Variants in PCDH11X observed in about 807,000 individuals in gnomAD.
PCDH11X encodes the protein protocadherin 11 X-linked.
A neutral mutation model predicts 53.3 loss-of-function variants in PCDH11X; 18 were observed. The observed-to-expected ratio is 0.34, with a 90% CI of 0.23 to 0.50. PCDH11X has a LOEUF of 0.50. PCDH11X is among the 20% of genes least tolerant of loss of function. The pLI is 0.98. For missense variants in PCDH11X, 570 were observed against 1,032.4 expected (o/e 0.55, Z 6.14); for synonymous variants, 279 against 393.3 (o/e 0.71, Z 3.44).
At position 92,383,054 on chromosome X, in the gene PCDH11X, A is replaced by T. The variant is rs758373275; in HGVS notation, c.3145-4681A>T. ...ATTATATTTAATAATACATAAAAGT[A>T]CCTAAATTTTAAATTTTAATGTCCA... is the stretch of plus-strand genomic sequence containing the variant. On this transcript the variant is annotated intron_variant, in intron 8 of 10. Transcript: ENST00000682573. 2.7e-5 allele frequency among the ~76,000 whole-genome samples: 3 copies of T among 109,690 alleles called. No homozygotes were observed. The East Asian group carries it at 8.6e-4, about 31-fold the overall frequency.
At chrX:92,305,575 G>C (rs1288004269) in intron 8 of PCDH11X, among the ~76,000 whole-genome samples, 2 of 110,250 alleles carry the variant, frequency 1.8e-5, no homozygotes, top group African/African-American at 6.6e-5. Flanking sequence ...CCTTCCTAAA[G>C]GCCCTATTTG....
Position 92,094,173 on chromosome X carries a change from G to A in PCDH11X, c.3034-107202G>A, listed in dbSNP as rs866983586. ...TGTGTGTGTGTGTGTGTGTGTGTGT[G>A]TGTATATATATATAAAACATTAAAT... On this transcript the variant is annotated intron_variant, in intron 6 of 10. Coordinates refer to ENST00000682573, the MANE Select transcript of PCDH11X (RefSeq NM_032968.5). Among the ~76,000 whole-genome samples the A allele has an allele frequency of 3.6e-3, 258 of 71,280 alleles. 1 individual carries two copies. Among genetic ancestry groups the A allele is most frequent in the Admixed American group, 8.1e-3 (51 of 6,307 alleles). The allele number at this position is 71,280 out of a possible 115,157, so 61.9% of individuals were successfully genotyped here. A position where few individuals can be genotyped will look rare whatever the true frequency, so the allele number is the denominator to read the frequency against.
chrX:92,515,038 T>C (rs1282784514), intron 10 of PCDH11X, among the ~76,000 whole-genome samples: 20 of 77,548 alleles, frequency 2.6e-4, no homozygotes, highest in African/African-American at 6.6e-4. Flanking sequence ...CAGAGCGAGA[T>C]TCCACCTCAA....
intron 8 of PCDH11X, among the ~76,000 whole-genome samples, chrX:92,330,739 T>C (rs2522730): frequency 2.7e-5 from 3 of 110,910 alleles, no homozygotes; most frequent in Non-Finnish European, 5.7e-5. Flanking sequence ...TAAAAAGTAA[T>C]AAACTATTGA....
At chrX:91,846,218 A>G in intron 5 of PCDH11X, among the ~76,000 whole-genome samples, 1 of 112,180 alleles carries the variant, frequency 8.9e-6, no homozygotes, top group Middle Eastern at 4.6e-3. Flanking sequence ...TATGGAATTT[A>G]GTGACACAAT....
At chrX:92,460,075 G>A (rs1391325853) in intron 9 of PCDH11X, 3 of 980,652 alleles carry the variant, frequency 3.1e-6, no homozygotes, top group Non-Finnish European at 4.3e-6. Flanking sequence ...GGACCTGAGG[G>A]CTCAGATCTT....
rs1207074247 is a variant in PCDH11X at position 92,622,859 on chromosome X, C to T, written c.*3919C>T. On this transcript the variant is annotated 3_prime_UTR_variant, in exon 11 of 11. Transcript: ENST00000682573. The stretch of plus-strand genomic sequence containing the variant: ...GCAGAAACAGTAACAAAAAAATCTG[C>T]TCAGAAAAATGTATGTGCACAAATA... 1 of 110,019 alleles carries T rather than the reference C, an allele frequency of 9.1e-6. No individual in the cohort carries two copies. The highest frequency in any genetic ancestry group is 1.9e-5 in the Non-Finnish European group (1 of 52,619). The allele number at this position is 110,019 out of a possible 1,213,427, so 9.1% of individuals were successfully genotyped here. A position where few individuals can be genotyped will look rare whatever the true frequency, so the allele number is the denominator to read the frequency against.
chrX:92,153,906 G>A (rs1023396420), intron 6 of PCDH11X, among the ~76,000 whole-genome samples: 2 of 110,486 alleles, frequency 1.8e-5, no homozygotes, highest in African/African-American at 6.6e-5. Context: ...TAACAAAGGA[G>A]GATAAAAGCA....
chrX:92,213,014 A>G (rs989028896), intron 7 of PCDH11X, among the ~76,000 whole-genome samples: 27 of 112,253 alleles, frequency 2.4e-4, no homozygotes, highest in African/African-American at 8.1e-4. Context: ...TCAAAGCTTA[A>G]TCTGGGAACT....
chrX:92,215,013 A>G (rs1465573163), intron 7 of PCDH11X, among the ~76,000 whole-genome samples: 1 of 111,678 alleles, frequency 9.0e-6, no homozygotes, highest in Non-Finnish European at 1.9e-5. Context: ...CTGCCACTGC[A>G]CTCTAGCCCC....
chrX:92,619,218 C>G lies in PCDH11X; in HGVS notation c.*278C>G, dbSNP rs12559026. ...GACAGAGCGCACTATTTCTGATGTA[C>G]AGTATTTTTTGTTGTTTTTATCATC... On this transcript the variant is annotated 3_prime_UTR_variant, in exon 11 of 11. Coordinates refer to ENST00000682573, the MANE Select transcript of PCDH11X (RefSeq NM_032968.5). 93,548 of 381,269 alleles carry G rather than the reference C, an allele frequency of 0.25. 9,402 individuals are homozygous for G. Among genetic ancestry groups the G allele is most frequent in the Middle Eastern group, 0.31 (418 of 1,331 alleles). The allele number at this position is 381,269 out of a possible 1,213,427, so 31.4% of individuals were successfully genotyped here.
intron 6 of PCDH11X, among the ~76,000 whole-genome samples, chrX:92,065,378 C>T (rs1291629011): frequency 9.0e-6 from 1 of 110,720 alleles, no homozygotes; most frequent in Non-Finnish European, 1.9e-5. Context: ...GGATATATAC[C>T]CAACAGTAAG....
intron 6 of PCDH11X, among the ~76,000 whole-genome samples, chrX:92,023,095 G>A (rs2525378): frequency 0.12 from 12,522 of 108,478 alleles, 1,004 homozygotes; most frequent in East Asian, 0.27. Context: ...CCCTAACATT[G>A]CAATAAAAAG....
chrX:92,009,205 T>C (rs1394741411), intron 6 of PCDH11X, among the ~76,000 whole-genome samples: 3 of 112,131 alleles, frequency 2.7e-5, no homozygotes, highest in African/African-American at 9.7e-5. Context: ...AGATGTATTC[T>C]AGCTCAATTT....
At chrX:91,876,107 A>T (rs1420239532) in intron 5 of PCDH11X, among the ~76,000 whole-genome samples, 1 of 112,078 alleles carries the variant, frequency 8.9e-6, no homozygotes, top group Non-Finnish European at 1.9e-5. Context: ...TTGAAAACTT[A>T]AATAGTTCGA....
chrX:91,866,186 G>A (rs1938979462), intron 5 of PCDH11X, among the ~76,000 whole-genome samples: 1 of 110,301 alleles, frequency 9.1e-6, no homozygotes, highest in Admixed American at 9.7e-5. Context: ...GTCTCTTTTG[G>A]AGCCATGAAC....
At chrX:92,401,170 G>T (rs201131748) in intron 9 of PCDH11X, among the ~76,000 whole-genome samples, 1 of 105,766 alleles carries the variant, frequency 9.5e-6, no homozygotes, top group Admixed American at 1.1e-4. Flanking sequence ...AAATGTACAG[G>T]CTACTTTTTG....
At chrX:92,025,190 A>G (rs1333623900) in intron 6 of PCDH11X, among the ~76,000 whole-genome samples, 1 of 110,219 alleles carries the variant, frequency 9.1e-6, no homozygotes, top group Non-Finnish European at 1.9e-5. Context: ...TGAACAGGCA[A>G]CCCATTGAAT....
At chrX:92,595,319 A>T (rs1359285827) in intron 10 of PCDH11X, among the ~76,000 whole-genome samples, 1 of 110,659 alleles carries the variant, frequency 9.0e-6, no homozygotes, top group Non-Finnish European at 1.9e-5. Context: ...CACCCAATTA[A>T]TACAGTTATT....
Sources: allele counts gnomAD v4.1 joint callset (sites outside exome capture counted in the v4.1 genomes callset), GRCh38; gene constraint gnomAD v4.1.1; transcripts MANE v1.5; gene names NCBI Gene and HGNC (gene_info 2026-07-23, HGNC 2026-07-21).